Variants in PCDH7 observed in about 807,000 individuals in gnomAD.
The protein encoded by PCDH7 is protocadherin-7.
A neutral mutation model predicts 58.9 loss-of-function variants in PCDH7; 17 were observed. The observed-to-expected ratio is 0.29, with a 90% CI of 0.20 to 0.43. The LOEUF is 0.43. Ranked by LOEUF, PCDH7 falls within the 20% of genes least tolerant of loss-of-function variation. PCDH7 has a pLI of 1.00. For synonymous variants in PCDH7, 664 were observed against 616.4 expected, an observed-to-expected ratio of 1.08 and a Z score of -1.14; for missense variants, 1,274 against 1,441.0, an observed-to-expected ratio of 0.88 and a Z score of 1.88.
At chr4:30,921,794 A>G (rs1033066035) in intron 2 of PCDH7, among the ~76,000 whole-genome samples, 3 of 151,634 alleles carry the variant, frequency 2.0e-5, no homozygotes, top group African/African-American at 7.2e-5. Flanking sequence ...GCTGATGAAT[A>G]TATATTTAAG....
In PCDH7 at chr4:31,040,266, C is replaced by T. The variant is rs907939766; in HGVS notation, c.*7+90051C>T. On this transcript the variant is annotated intron_variant, in intron 3 of 3. Transcript: ENST00000509759. The stretch of plus-strand genomic sequence containing the variant: ...CTTTGAATCCTCTCTTCCATTCTTC[C>T]CCACTCTTCCCTGACTCATCTGGGA... Among the ~76,000 whole-genome samples, 6 of 152,044 alleles carry T rather than the reference C, an allele frequency of 3.9e-5. No homozygotes were observed. In the South Asian group the frequency reaches 1.0e-3, roughly 26 times the overall value.
chr4:30,871,274 T>A (rs1735543830), intron 1 of PCDH7, among the ~76,000 whole-genome samples: 2 of 152,060 alleles, frequency 1.3e-5, no homozygotes, highest in Admixed American at 6.6e-5. Flanking sequence ...TAGAGACCAG[T>A]TAGCAGAGGA....
intron 3 of PCDH7, among the ~76,000 whole-genome samples, chr4:31,018,552 C>T (rs905335793): frequency 5.9e-5 from 9 of 152,126 alleles, no homozygotes; most frequent in African/African-American, 2.2e-4. Flanking sequence ...AAAGCAAAGC[C>T]TTGAGGCTAT....
chr4:31,000,735 G>A (rs559677771), intron 3 of PCDH7, among the ~76,000 whole-genome samples: 75 of 151,946 alleles, frequency 4.9e-4, no homozygotes, highest in African/African-American at 1.6e-3. Flanking sequence ...GAGAAGAAAA[G>A]GACAGAAAAA....
intron 3 of PCDH7, among the ~76,000 whole-genome samples, chr4:30,950,614 A>G (rs185020225): frequency 1.0e-3 from 154 of 152,330 alleles, no homozygotes; most frequent in African/African-American, 3.6e-3. Context: ...ATTTAATAGC[A>G]TTTGCATCTT....
exon 4 of PCDH7, chr4:31,142,725 C>A (rs371963966): frequency 1.5e-6 from 2 of 1,367,486 alleles, no homozygotes; most frequent in Non-Finnish European, 2.0e-6. Context: ...TCCTATGAGA[C>A]CTTCAGTGCA....
intron 3 of PCDH7, among the ~76,000 whole-genome samples, chr4:31,056,014 T>C (rs150697095): frequency 6.6e-6 from 1 of 152,206 alleles, no homozygotes; most frequent in Non-Finnish European, 1.5e-5. Context: ...ACTGAGTAAA[T>C]CAGTTGTAGT....
chr4:30,875,905 T>C (rs1036901883), intron 1 of PCDH7, among the ~76,000 whole-genome samples: 2 of 152,144 alleles, frequency 1.3e-5, no homozygotes, highest in Non-Finnish European at 2.9e-5. Flanking sequence ...CGTTTTCTTC[T>C]GTCATGTGAG....
chr4:30,922,789 A>G (rs1743341318), intron 2 of PCDH7, among the ~76,000 whole-genome samples: 1 of 152,102 alleles, frequency 6.6e-6, no homozygotes, highest in African/African-American at 2.4e-5. Flanking sequence ...GATTCATGTT[A>G]GCCTTGATCT....
At chr4:30,939,962 G>T (rs560653114) in intron 2 of PCDH7, among the ~76,000 whole-genome samples, 5 of 152,116 alleles carry the variant, frequency 3.3e-5, no homozygotes, top group African/African-American at 1.2e-4. Context: ...AGAAATGGAA[G>T]AGTCGATTAA....
At chr4:30,799,006 ACAATT>A (rs1725159448) in intron 1 of PCDH7, among the ~76,000 whole-genome samples, 1 of 152,234 alleles carries the variant, frequency 6.6e-6, no homozygotes, top group Admixed American at 6.5e-5. Flanking sequence ...AAAATATAAA[ACAATT>A]CATATGATTT....
intron 1 of PCDH7, among the ~76,000 whole-genome samples, chr4:30,818,478 C>T (rs1236548009): frequency 6.6e-6 from 1 of 152,136 alleles, no homozygotes; most frequent in East Asian, 1.9e-4. Flanking sequence ...CACTTCTAAA[C>T]ACCAGATGAT....
intron 1 of PCDH7, among the ~76,000 whole-genome samples, chr4:30,770,931 T>C (rs1452727848): frequency 2.6e-5 from 4 of 152,156 alleles, no homozygotes; most frequent in African/African-American, 9.7e-5. Context: ...CTGTAACTAT[T>C]TTTTTCCCAC....
Position 30,744,335 on chromosome 4 carries a change from A to G in PCDH7, c.70+19739A>G, listed in dbSNP as rs1202328971. 2.7e-4 allele frequency among the ~76,000 whole-genome samples: 41 copies of G among 152,350 alleles called. 1 individual carries two copies. Among genetic ancestry groups the G allele is most frequent in the African/African-American group, 7.2e-5 (3 of 41,592 alleles). ...TTGATTCATATAACTAAAGGTCAGT[A>G]AAAGCAAAAGAGTTTCCTTAGGCTG... On this transcript the variant is annotated intron_variant, in intron 1 of 3. Coordinates refer to the PCDH7 transcript ENST00000509759.
At chr4:30,924,223 AT>A (rs1375928540) in intron 2 of PCDH7, among the ~76,000 whole-genome samples, 1 of 152,140 alleles carries the variant, frequency 6.6e-6, no homozygotes, top group African/African-American at 2.4e-5. Context: ...GTAAGTCTTT[AT>A]GATAATTAGT....
At chr4:31,022,268 G>A (rs997416024) in intron 3 of PCDH7, among the ~76,000 whole-genome samples, 9 of 152,114 alleles carry the variant, frequency 5.9e-5, no homozygotes, top group Admixed American at 2.0e-4. Flanking sequence ...TACTGATAAA[G>A]GTATTCTTAG....
At chr4:30,811,383 A>T (rs1726982071) in intron 1 of PCDH7, among the ~76,000 whole-genome samples, 1 of 152,218 alleles carries the variant, frequency 6.6e-6, no homozygotes, top group Non-Finnish European at 1.5e-5. Flanking sequence ...CGCCAAACAT[A>T]ATCAATTACC....
At chr4:31,110,433 T>C (rs944277648) in intron 3 of PCDH7, among the ~76,000 whole-genome samples, 3 of 152,222 alleles carry the variant, frequency 2.0e-5, no homozygotes, top group Non-Finnish European at 4.4e-5. Flanking sequence ...AGATTTTATT[T>C]GTTCACTTAT....
At chr4:30,737,524 G>A (rs774119078), downstream of PCDH7, among the ~76,000 whole-genome samples, 13 of 133,494 alleles carry the variant, frequency 9.7e-5, no homozygotes, top group East Asian at 2.1e-4. Context: ...CAAAAAATAC[G>A]TATGTATACA....
Sources: gnomAD v4.1 joint callset for allele counts (sites outside exome capture counted in the v4.1 genomes callset) on GRCh38, gnomAD v4.1.1 for gene constraint, MANE v1.5 for transcripts, NCBI Gene and HGNC (gene_info 2026-07-23, HGNC 2026-07-21) for gene names.